TLK1: variants seen among roughly 807,000 people sequenced by gnomAD.
The protein encoded by TLK1 is tousled like kinase 1.
TLK1 carries 24 observed loss-of-function variants against 105.3 expected under a neutral mutation model. The observed-to-expected ratio is 0.23, with a 90% CI of 0.17 to 0.32. The LOEUF (loss-of-function observed/expected upper bound fraction) is 0.32. TLK1 is among the 10% of genes least tolerant of loss of function. The probability of loss-of-function intolerance (pLI) is 1.00; values close to 1 mark genes in which losing one functional copy is unlikely to be tolerated. For missense variants in TLK1, 558 were observed against 910.5 expected, an observed-to-expected ratio of 0.61 and a Z score of 4.98; for synonymous variants, 321 against 310.4, an observed-to-expected ratio of 1.03 and a Z score of -0.36.
chr2:171,023,848 CTATA>C (rs1685648746), intron 12 of TLK1, among the ~76,000 whole-genome samples: 1 of 152,178 alleles, frequency 6.6e-6, no homozygotes, highest in African/African-American at 2.4e-5. Context: ...AAAGATCTGA[CTATA>C]TAATCAACCT....
At chr2:171,200,079 T>A (rs889713051) in intron 1 of TLK1, among the ~76,000 whole-genome samples, 11 of 152,208 alleles carry the variant, frequency 7.2e-5, no homozygotes, top group Non-Finnish European at 1.6e-4. Flanking sequence ...TTTTTTCCCC[T>A]GATTAAATCA....
intron 1 of TLK1, among the ~76,000 whole-genome samples, chr2:171,144,911 T>C (rs1249836778): frequency 6.6e-6 from 1 of 152,132 alleles, no homozygotes; most frequent in Non-Finnish European, 1.5e-5. Flanking sequence ...AACAAAAGAT[T>C]TGAACAAGCA....
intron 11 of TLK1, among the ~76,000 whole-genome samples, chr2:171,038,369 T>C (rs1035165728): frequency 6.6e-6 from 1 of 152,172 alleles, no homozygotes; most frequent in African/African-American, 2.4e-5. Flanking sequence ...ATTCTCTTGC[T>C]CATTTTCTTT....
At chr2:171,020,908 C>T (rs1445575839) in intron 12 of TLK1, among the ~76,000 whole-genome samples, 4 of 152,080 alleles carry the variant, frequency 2.6e-5, no homozygotes, top group Non-Finnish European at 4.4e-5. Context: ...TATAAATGTT[C>T]CCTCCACCCC....
At chr2:171,137,658 G>A (rs1691382343) in intron 1 of TLK1, among the ~76,000 whole-genome samples, 1 of 151,976 alleles carries the variant, frequency 6.6e-6, no homozygotes, top group Non-Finnish European at 1.5e-5. Context: ...CGACCAACCT[G>A]GGCAACATGG....
intron 1 of TLK1, among the ~76,000 whole-genome samples, chr2:171,182,417 T>C (rs1293027732): frequency 2.0e-5 from 3 of 152,198 alleles, no homozygotes; most frequent in South Asian, 4.1e-4. Context: ...CTTATTAGAA[T>C]GCAGTAAGAA....
chr2:171,133,755 C>T, intron 1 of TLK1, among the ~76,000 whole-genome samples: 1 of 144,944 alleles, frequency 6.9e-6, no homozygotes, highest in East Asian at 2.0e-4. Flanking sequence ...TTTCAGACTT[C>T]TGATTTTTTT....
At chr2:171,044,409 C>T (rs1454004051) in intron 11 of TLK1, among the ~76,000 whole-genome samples, 2 of 152,086 alleles carry the variant, frequency 1.3e-5, no homozygotes, top group African/African-American at 2.4e-5. Flanking sequence ...CAGACTGAAT[C>T]GGAAAGATAA....
At chr2:171,103,591 T>A (rs1689790806) in intron 2 of TLK1, among the ~76,000 whole-genome samples, 1 of 152,202 alleles carries the variant, frequency 6.6e-6, no homozygotes, top group African/African-American at 2.4e-5. Flanking sequence ...TTATCTGAGA[T>A]ACTTTCTTTC....
chr2:171,002,293 C>CT (rs1487519571), intron 18 of TLK1, among the ~76,000 whole-genome samples: 1 of 152,042 alleles, frequency 6.6e-6, no homozygotes, highest in Non-Finnish European at 1.5e-5. Context: ...GAGTCTGGCT[C>CT]TGTCACCCAG....
At chr2:171,063,224 T>C (rs974981470) in intron 3 of TLK1, among the ~76,000 whole-genome samples, 3 of 152,112 alleles carry the variant, frequency 2.0e-5, no homozygotes, top group Non-Finnish European at 4.4e-5. Flanking sequence ...TGCATGCCTG[T>C]AGTGCCAGCT....
intron 20 of TLK1, among the ~76,000 whole-genome samples, chr2:170,996,383 T>A (rs1271508394): frequency 4.6e-5 from 7 of 152,202 alleles, no homozygotes; most frequent in African/African-American, 1.7e-4. Context: ...AAGGTAATGA[T>A]GAGCCCAGAT....
Position 170,992,463 on chromosome 2 carries a change from T to A in TLK1, c.*1317A>T, listed in dbSNP as rs1683824694. On this transcript the variant is annotated 3_prime_UTR_variant, in exon 21 of 21. Transcript: ENST00000431350. ...ATTGGTTTCTACCCTACGAGGCAGTTAGAAAACGTTCACATTTTAACAAAT... is the reference window on the plus strand; with the variant it reads ...ATTGGTTTCTACCCTACGAGGCAGTAAGAAAACGTTCACATTTTAACAAAT... 1 of 152,566 alleles carries A rather than the reference T, an allele frequency of 6.6e-6. No homozygotes were observed. The highest frequency in any genetic ancestry group is 6.6e-5 in the Admixed American group (1 of 15,264). 9.5% of individuals were successfully genotyped at this position (152,566 alleles called of 1,614,324 possible).
chr2:171,194,014 C>T (rs912512066), intron 1 of TLK1, among the ~76,000 whole-genome samples: 8 of 152,068 alleles, frequency 5.3e-5, no homozygotes, highest in African/African-American at 1.2e-4. Flanking sequence ...CCACTGCACC[C>T]GGTCATTTTT....
At chr2:171,075,037 A>C (rs1454217676) in intron 3 of TLK1, among the ~76,000 whole-genome samples, 2 of 151,912 alleles carry the variant, frequency 1.3e-5, no homozygotes, top group African/African-American at 4.8e-5. Context: ...AAAAAAAAAG[A>C]TTTCTCCAGG....
At chr2:171,192,538 G>A (rs577839775) in intron 1 of TLK1, among the ~76,000 whole-genome samples, 2 of 152,156 alleles carry the variant, frequency 1.3e-5, no homozygotes, top group South Asian at 4.2e-4. Context: ...AAATTAGCCG[G>A]GCATGGTTGC....
chr2:171,045,556 G>C (rs1371909005), intron 11 of TLK1: 1 of 152,056 alleles, frequency 6.6e-6, no homozygotes, highest in Non-Finnish European at 1.5e-5. Context: ...AGTTCTTCTA[G>C]AACAGAAAAT....
At chr2:171,180,328 T>C (rs1019454282) in intron 1 of TLK1, among the ~76,000 whole-genome samples, 4 of 152,108 alleles carry the variant, frequency 2.6e-5, no homozygotes, top group African/African-American at 9.7e-5. Context: ...ATATTATCAG[T>C]TGTTTTACCC....
intron 1 of TLK1, among the ~76,000 whole-genome samples, chr2:171,124,783 G>C (rs1690801892): frequency 6.6e-6 from 1 of 152,150 alleles, no homozygotes; most frequent in Non-Finnish European, 1.5e-5. Flanking sequence ...TGTACTTAGT[G>C]TTTTCTCAGC....
Sources: allele counts gnomAD v4.1 joint callset (sites outside exome capture counted in the v4.1 genomes callset), GRCh38; gene constraint gnomAD v4.1.1; transcripts MANE v1.5; gene names NCBI Gene and HGNC (gene_info 2026-07-23, HGNC 2026-07-21).